NR1I2: variants seen among roughly 807,000 people sequenced by gnomAD.
NR1I2 encodes nuclear receptor subfamily 1 group I member 2, also known as orphan nuclear receptor PAR1.
In NR1I2, 42 loss-of-function variants were observed where a neutral mutation model predicts 43.3. The ratio of observed to expected loss-of-function variants is 0.97; its 90% CI spans 0.76 to 1.26. NR1I2 has a LOEUF of 1.26. Among genes scored for constraint, NR1I2 ranks in the 50% most tolerant of loss-of-function variants. NR1I2 has a pLI of 0.00. For missense variants in NR1I2, 559 were observed against 566.7 expected (o/e 0.99, Z 0.14); for synonymous variants, 229 against 215.0 (o/e 1.06, Z -0.57).
chr3:119,814,687 T>A (rs1457280433), intron 5 of NR1I2, among the ~76,000 whole-genome samples: 2 of 152,094 alleles, frequency 1.3e-5, no homozygotes, highest in East Asian at 3.8e-4. Flanking sequence ...AGGATTTGTA[T>A]AGGAGCTGAA....
intron 1 of NR1I2, chr3:119,792,614 A>G: frequency 1.6e-6 from 1 of 614,016 alleles, no homozygotes; most frequent in Non-Finnish European, 3.0e-6. Context: ...GATTCTTAAC[A>G]CTGCCTTCCT....
chr3:119,813,063 C>T (rs2055267748), intron 5 of NR1I2, 103 bp downstream of exon 5: 2 of 1,278,518 alleles, frequency 1.6e-6, no homozygotes, highest in East Asian at 4.8e-5. Flanking sequence ...ATATTGGTGT[C>T]AGAAGACCCT....
chr3:119,811,756 G>A (rs771324213), intron 4 of NR1I2, 30 bp downstream of exon 4: 3 of 1,571,074 alleles, frequency 1.9e-6, no homozygotes, highest in Non-Finnish European at 2.6e-6. Flanking sequence ...GACCCGAGGT[G>A]TCACTGCCAT....
At chr3:119,815,556 C>A in intron 7 of NR1I2, 117 bp downstream of exon 7, 2 of 1,060,224 alleles carry the variant, frequency 1.9e-6, no homozygotes, top group Non-Finnish European at 2.9e-6. Context: ...TGGGGGCTCT[C>A]GCTGGTTTCT....
At chr3:119,787,657 ATG>A (rs3030846) in intron 1 of NR1I2, among the ~76,000 whole-genome samples, 7,924 of 128,212 alleles carry the variant, frequency 0.062, 266 homozygotes, top group Admixed American at 0.1. Context: ...TGCTATTAAT[ATG>A]TGTGTGTGTG....
At chr3:119,785,222 T>G (rs1010680206) in intron 1 of NR1I2, among the ~76,000 whole-genome samples, 2 of 152,240 alleles carry the variant, frequency 1.3e-5, no homozygotes, top group Middle Eastern at 3.2e-3. Flanking sequence ...GTCCTAGGAA[T>G]TCTTGTCATG....
At position 119,815,498 on chromosome 3, in the gene NR1I2, G is replaced by T. The variant is rs1052549940; in HGVS notation, c.1054+59G>T. The T allele has an allele frequency of 2.1e-6, 3 of 1,402,260 alleles. No individual in the cohort carries two copies. The African/African-American group carries it at 4.2e-5, about 20-fold the overall frequency. 86.9% of individuals were successfully genotyped at this position (1,402,260 alleles called of 1,614,324 possible). A position where few individuals can be genotyped will look rare whatever the true frequency, so the allele number is the denominator to read the frequency against. ...CCCAGCCTTATCTGCCCTCCCCAGG[G>T]AAGGTCCCAGTCTATGGCCTTGCTC... On this transcript the variant is annotated intron_variant, in intron 7 of 8. Coordinates refer to ENST00000393716, the MANE Select transcript of NR1I2 (RefSeq NM_003889.4).
intron 5 of NR1I2, among the ~76,000 whole-genome samples, chr3:119,814,500 G>C (rs1326397039): frequency 6.6e-6 from 1 of 152,166 alleles, no homozygotes. Context: ...CCAAAAGGGC[G>C]GCACTTTCAC....
At chr3:119,816,342 T>C (rs1274645786) in intron 8 of NR1I2, among the ~76,000 whole-genome samples, 1 of 152,070 alleles carries the variant, frequency 6.6e-6, no homozygotes, top group Admixed American at 6.6e-5. Context: ...AGGCATATGG[T>C]ACATCTCAGA....
Position 119,798,618 on chromosome 3 carries a change from C to T in NR1I2, c.-22-8611C>T, listed in dbSNP as rs568006777. On this transcript the variant is annotated intron_variant, in intron 1 of 8. Transcript: ENST00000393716. ...TCGCGCCACTGCACTCCAGCCTGGG[C>T]GACAAAGAGAGACTCCGTCTCAAAA... Among the ~76,000 whole-genome samples the T allele has an allele frequency of 2.6e-4, 32 of 123,588 alleles. 1 individual carries two copies. Among genetic ancestry groups the T allele is most frequent in the African/African-American group, 1.1e-3 (31 of 29,340 alleles). The allele number at this position is 123,588 out of a possible 152,430, so 81.1% of individuals were successfully genotyped here.
intron 1 of NR1I2, among the ~76,000 whole-genome samples, chr3:119,786,790 T>C (rs2054848349): frequency 6.6e-6 from 1 of 152,230 alleles, no homozygotes; most frequent in African/African-American, 2.4e-5. Context: ...CTTGAATTCA[T>C]AAACCGTGAC....
chr3:119,795,184 T>C (rs918196768), intron 1 of NR1I2, among the ~76,000 whole-genome samples: 1 of 152,092 alleles, frequency 6.6e-6, no homozygotes, highest in Non-Finnish European at 1.5e-5. Flanking sequence ...ACTAGCTGTG[T>C]CCCAGACAGC....
rs535464860 is a variant in NR1I2 at position 119,815,964 on chromosome 3, A to C, written c.1160+133A>C. 2.0e-3 allele frequency: 1,456 copies of C among 735,384 alleles called. 7 individuals carry two copies. Among genetic ancestry groups the C allele is most frequent in the South Asian group, 4.1e-3 (274 of 66,976 alleles). 45.6% of individuals were successfully genotyped at this position (735,384 alleles called of 1,614,324 possible). A position where few individuals can be genotyped will look rare whatever the true frequency, so the allele number is the denominator to read the frequency against. On this transcript the variant is annotated intron_variant, in intron 8 of 8. Coordinates refer to ENST00000393716, the MANE Select transcript of NR1I2 (RefSeq NM_003889.4). ...CAGCCAGACCAGGTCCAAAGCTCAC[A>C]CTTTTGAGCACTACCTAACCACTTC... is the stretch of plus-strand genomic sequence containing the variant.
chr3:119,817,414 A>T lies in NR1I2; in HGVS notation c.*202A>T. The stretch of plus-strand genomic sequence containing the variant: ...GCCCCCCACCCCCAGTTCAGTCTGT[A>T]GGGAGTGAAGCCACAGACTCTTACG... On this transcript the variant is annotated 3_prime_UTR_variant, in exon 9 of 9. Coordinates refer to ENST00000393716, the MANE Select transcript of NR1I2 (RefSeq NM_003889.4). 6.9e-7 allele frequency: 1 copy of T among 1,445,222 alleles called. No individual in the cohort carries two copies. 89.5% of individuals were successfully genotyped at this position (1,445,222 alleles called of 1,614,324 possible).
intron 1 of NR1I2, among the ~76,000 whole-genome samples, chr3:119,802,069 G>A (rs2055089164): frequency 6.6e-6 from 1 of 152,150 alleles, no homozygotes; most frequent in African/African-American, 2.4e-5. Context: ...GCAAGTCACA[G>A]ACCATCCTAG....
At chr3:119,803,111 C>G (rs1451787546) in intron 1 of NR1I2, among the ~76,000 whole-genome samples, 1 of 151,536 alleles carries the variant, frequency 6.6e-6, no homozygotes, top group African/African-American at 2.4e-5. Flanking sequence ...GGCAGGTGAT[C>G]ACTTGAGCCC....
At chr3:119,782,864 A>G (rs1358269935) in intron 1 of NR1I2, 1 of 1,607,112 alleles carries the variant, frequency 6.2e-7, no homozygotes, top group Admixed American at 1.7e-5. Flanking sequence ...TGAGTTTTCT[A>G]CCTCTACTAT....
intron 1 of NR1I2, among the ~76,000 whole-genome samples, chr3:119,797,624 A>C (rs1421415995): frequency 6.6e-6 from 1 of 152,246 alleles, no homozygotes; most frequent in Non-Finnish European, 1.5e-5. Flanking sequence ...ATATCTCTAA[A>C]AGATAGCATA....
intron 1 of NR1I2, chr3:119,782,833 G>A (rs776259882): frequency 6.2e-7 from 1 of 1,614,060 alleles, no homozygotes; most frequent in South Asian, 1.1e-5. Context: ...CAGTGCTGCG[G>A]CTGAGTTGGC....
Sources: allele counts gnomAD v4.1 joint callset (sites outside exome capture counted in the v4.1 genomes callset), GRCh38; gene constraint gnomAD v4.1.1; transcripts MANE v1.5; gene names NCBI Gene and HGNC (gene_info 2026-07-23, HGNC 2026-07-21).